Variants in KIAA1328 observed in about 807,000 individuals in gnomAD.
KIAA1328 encodes KIAA1328, also known as protein hinderin.
KIAA1328 carries 52 observed loss-of-function variants against 68.1 expected under a neutral mutation model. That is an observed-to-expected ratio of 0.76 (90% CI 0.61 to 0.96). The LOEUF is 0.96. Among genes scored for constraint, KIAA1328 ranks in the 40% least tolerant of loss-of-function variants. The pLI is 0.00. For synonymous variants in KIAA1328, 232 were observed against 239.4 expected (o/e 0.97, Z 0.28); for missense variants, 641 against 677.6 (o/e 0.95, Z 0.60).
At chr18:37,021,503 A>C (rs561161504) in intron 6 of KIAA1328, among the ~76,000 whole-genome samples, 35 of 152,348 alleles carry the variant, frequency 2.3e-4, no homozygotes, top group Admixed American at 7.8e-4. Flanking sequence ...TTAGCACAAC[A>C]ACCAAATTCT....
intron 3 of KIAA1328, 87 bp from the exon 4 acceptor site, chr18:36,844,121 A>G (rs919569913): frequency 1.3e-6 from 1 of 785,962 alleles, no homozygotes; most frequent in South Asian, 1.8e-5. Flanking sequence ...AAAGATATCT[A>G]AGAAATTTCA....
intron 5 of KIAA1328, among the ~76,000 whole-genome samples, chr18:36,950,656 C>G (rs1308001915): frequency 6.6e-6 from 1 of 152,104 alleles, no homozygotes. Flanking sequence ...GCAAAACATT[C>G]TAGGCAGAAC....
chr18:37,186,492 A>G (rs2059802835), intron 9 of KIAA1328, among the ~76,000 whole-genome samples: 1 of 145,284 alleles, frequency 6.9e-6, no homozygotes, highest in African/African-American at 2.6e-5. Context: ...ACTTGAGCCC[A>G]GGAGTTAGAG....
At chr18:37,007,826 C>T (rs1303218268) in intron 6 of KIAA1328, among the ~76,000 whole-genome samples, 1 of 152,096 alleles carries the variant, frequency 6.6e-6, no homozygotes, top group South Asian at 2.1e-4. Context: ...AAAGTCTGGA[C>T]AAAATATAAA....
chr18:36,938,973 G>A lies in KIAA1328; in HGVS notation c.449-20335G>A, dbSNP rs184660991. On this transcript the variant is annotated intron_variant, in intron 5 of 9. Transcript: ENST00000280020. ...TTGTTTTTGTTTTTATGCCAGTACC[G>A]TGCTGTTTTGATTACTCTTGCTTTG... 1.4e-3 allele frequency among the ~76,000 whole-genome samples: 216 copies of A among 152,088 alleles called. 2 individuals are homozygous for A. Among genetic ancestry groups the A allele is most frequent in the African/African-American group, 4.8e-3 (199 of 41,526 alleles).
chr18:37,136,345 T>G (rs1020421622), intron 7 of KIAA1328, among the ~76,000 whole-genome samples: 1 of 152,200 alleles, frequency 6.6e-6, no homozygotes, highest in Non-Finnish European at 1.5e-5. Context: ...TATTCATGGT[T>G]CATTTGCAAG....
At chr18:36,909,893 G>A (rs560563240) in intron 5 of KIAA1328, among the ~76,000 whole-genome samples, 90 of 152,306 alleles carry the variant, frequency 5.9e-4, no homozygotes, top group Non-Finnish European at 9.3e-4. Context: ...GTGATGATGA[G>A]CATTTTTTCA....
chr18:36,913,523 CTTAGAGGAAAGCAACTGCCT>C (rs1568157333), intron 5 of KIAA1328, among the ~76,000 whole-genome samples: 10 of 83,384 alleles, frequency 1.2e-4, no homozygotes, highest in South Asian at 5.1e-4. Context: ...CACACACACA[CTTAGAGGAAAGCAACTGCCT>C]ACACACACAC....
intron 7 of KIAA1328, among the ~76,000 whole-genome samples, chr18:37,115,418 T>C (rs556321581): frequency 2.9e-4 from 44 of 152,256 alleles, no homozygotes; most frequent in African/African-American, 9.6e-4. Context: ...AAAAACCACA[T>C]GATTATCTCA....
intron 9 of KIAA1328, among the ~76,000 whole-genome samples, chr18:37,219,337 G>A (rs1025879040): frequency 6.6e-6 from 1 of 152,220 alleles, no homozygotes; most frequent in Non-Finnish European, 1.5e-5. Context: ...CAAACACCAT[G>A]CTGGGAAAAC....
chr18:37,021,389 A>C (rs1411348480), intron 6 of KIAA1328, among the ~76,000 whole-genome samples: 1 of 152,202 alleles, frequency 6.6e-6, no homozygotes, highest in Non-Finnish European at 1.5e-5. Context: ...TATCTTTAAA[A>C]TTAAGCAGAA....
intron 5 of KIAA1328, among the ~76,000 whole-genome samples, chr18:36,909,835 TG>T (rs1016801281): frequency 6.6e-6 from 1 of 152,234 alleles, no homozygotes; most frequent in Non-Finnish European, 1.5e-5. Context: ...CTAACTGGTG[TG>T]AGATGGTATC....
At chr18:37,150,903 A>G (rs2059014462) in intron 7 of KIAA1328, among the ~76,000 whole-genome samples, 1 of 152,152 alleles carries the variant, frequency 6.6e-6, no homozygotes, top group Non-Finnish European at 1.5e-5. Flanking sequence ...TTTTAGGAAC[A>G]GGGTAAAGAT....
At chr18:36,940,685 T>C (rs949703807) in intron 5 of KIAA1328, among the ~76,000 whole-genome samples, 1 of 150,196 alleles carries the variant, frequency 6.7e-6, no homozygotes, top group Admixed American at 6.6e-5. Context: ...TTTTTTTTTT[T>C]TTTTTTTTTG....
chr18:37,160,186 C>T lies in KIAA1328; in HGVS notation c.1233-14C>T, dbSNP rs537598952. The T allele has an allele frequency of 7.5e-6, 12 of 1,603,488 alleles. No individual in the cohort carries two copies. The highest frequency in any genetic ancestry group is 4.0e-5 in the African/African-American group (3 of 74,826). ...TCTGTGCCTTCAACAGTTCATTCATCGTTGTTCTTTCAGTTTATTGAAGTC... is the reference window on the plus strand; with the variant it reads ...TCTGTGCCTTCAACAGTTCATTCATTGTTGTTCTTTCAGTTTATTGAAGTC... On this transcript the variant is annotated splice_polypyrimidine_tract_variant and intron_variant, in intron 7 of 9. Transcript: ENST00000280020.
chr18:37,143,521 C>CTTTTCTTTTTTTTTTTT (rs2058822455), intron 7 of KIAA1328, among the ~76,000 whole-genome samples: 1 of 90,780 alleles, frequency 1.1e-5, no homozygotes, highest in Non-Finnish European at 2.0e-5. Flanking sequence ...TTTTTTCTTT[C>CTTTTCTTTTTTTTTTTT]TTTTTTTTTT....
At chr18:37,117,377 C>A (rs923321157) in intron 7 of KIAA1328, among the ~76,000 whole-genome samples, 32 of 152,288 alleles carry the variant, frequency 2.1e-4, no homozygotes, top group African/African-American at 7.5e-4. Context: ...TCATTCTGAG[C>A]AAACTATCGC....
intron 7 of KIAA1328, among the ~76,000 whole-genome samples, chr18:37,081,059 C>G (rs1446796245): frequency 6.6e-6 from 1 of 151,950 alleles, no homozygotes; most frequent in Non-Finnish European, 1.5e-5. Flanking sequence ...CGACTCACTG[C>G]AACCTCTGGC....
At chr18:36,973,079 G>A (rs1003055969) in intron 6 of KIAA1328, among the ~76,000 whole-genome samples, 7 of 152,156 alleles carry the variant, frequency 4.6e-5, no homozygotes, top group African/African-American at 1.7e-4. Flanking sequence ...CAACACAAAT[G>A]TCCATCAGTG....
Sources: allele counts gnomAD v4.1 joint callset (sites outside exome capture counted in the v4.1 genomes callset), GRCh38; gene constraint gnomAD v4.1.1; transcripts MANE v1.5; gene names NCBI Gene and HGNC (gene_info 2026-07-23, HGNC 2026-07-21).